STARD13: variants seen among roughly 807,000 people sequenced by gnomAD.
STARD13 encodes the protein stAR-related lipid transfer protein 13.
A neutral mutation model predicts 106.4 loss-of-function variants in STARD13; 62 were observed. The ratio of observed to expected loss-of-function variants is 0.58; its 90% confidence interval spans 0.48 to 0.72. The LOEUF (loss-of-function observed/expected upper bound fraction) is 0.72, where lower values mean the gene tolerates loss of function less well. Among genes scored for constraint, STARD13 ranks in the 30% least tolerant of loss-of-function variants. The pLI, the probability that STARD13 is intolerant of heterozygous loss-of-function variation, is 0.00. For missense variants in STARD13, 1,387 were observed against 1,424.0 expected (o/e 0.97, Z 0.42); for synonymous variants, 565 against 553.0 (o/e 1.02, Z -0.31).
the STARD13 span, among the ~76,000 whole-genome samples, chr13:33,416,302 G>A: frequency 3.9e-5 from 6 of 152,216 alleles, no homozygotes; most frequent in Non-Finnish European, 8.8e-5. Context: ...ATAATGTGCT[G>A]ATGGTAAAGC....
At chr13:33,189,086 T>C (rs1385788544) in intron 1 of STARD13, among the ~76,000 whole-genome samples, 4 of 152,146 alleles carry the variant, frequency 2.6e-5, no homozygotes, top group Non-Finnish European at 5.9e-5. Flanking sequence ...TTTAGAAATG[T>C]TTTATTTTGT....
At chr13:33,663,762 G>A in the STARD13 span, among the ~76,000 whole-genome samples, 1 of 152,162 alleles carries the variant, frequency 6.6e-6, no homozygotes, top group Non-Finnish European at 1.5e-5. Flanking sequence ...GAGCAGGAGG[G>A]AGCAAGTCAG....
At chr13:33,632,677 C>T in the STARD13 span, among the ~76,000 whole-genome samples, 3 of 152,124 alleles carry the variant, frequency 2.0e-5, no homozygotes, top group Admixed American at 6.5e-5. Context: ...ATTTTCTAGC[C>T]TTCTGATTTG....
intron 1 of STARD13, among the ~76,000 whole-genome samples, chr13:33,235,480 T>C (rs977405827): frequency 6.6e-6 from 1 of 152,178 alleles, no homozygotes; most frequent in African/African-American, 2.4e-5. Context: ...TGAAATAAAA[T>C]ATTATTTTTC....
intron 1 of STARD13, among the ~76,000 whole-genome samples, chr13:33,189,418 CCCTCCTT>C (rs1232749057): frequency 2.2e-4 from 7 of 31,152 alleles, no homozygotes; most frequent in African/African-American, 4.3e-4. Flanking sequence ...CTCCTGCTTT[CCCTCCTT>C]CCTCCTTTCG....
chr13:33,228,636 A>G (rs1594135024), intron 1 of STARD13, among the ~76,000 whole-genome samples: 1 of 152,210 alleles, frequency 6.6e-6, no homozygotes, highest in African/African-American at 2.4e-5. Context: ...TTTATCTTTA[A>G]ATTAAATACT....
chr13:33,262,646 C>A (rs553144377), intron 1 of STARD13, among the ~76,000 whole-genome samples: 35,700 of 139,770 alleles, frequency 0.26, 5,375 homozygotes, highest in African/African-American at 0.39. Context: ...GAACCCCCCC[C>A]CCCACACACA....
the STARD13 span, among the ~76,000 whole-genome samples, chr13:33,498,140 G>T: frequency 1.9e-4 from 29 of 152,262 alleles, no homozygotes; most frequent in African/African-American, 7.0e-4. Context: ...AAAGCATCTA[G>T]TTCTTTGCAA....
chr13:33,583,428 G>T, the STARD13 span, among the ~76,000 whole-genome samples: 1 of 152,080 alleles, frequency 6.6e-6, no homozygotes, highest in Non-Finnish European at 1.5e-5. Context: ...CACTTCTTCA[G>T]CCCCTGGGGA....
the STARD13 span, among the ~76,000 whole-genome samples, chr13:33,645,145 A>ATAAGTCACAT: frequency 1.3e-5 from 2 of 152,016 alleles, no homozygotes; most frequent in Non-Finnish European, 2.9e-5. Context: ...ACTTATGTTG[A>ATAAGTCACAT]CTGATAAGAT....
intron 1 of STARD13, among the ~76,000 whole-genome samples, chr13:33,338,199 T>C (rs1379327379): frequency 1.3e-5 from 2 of 152,182 alleles, no homozygotes; most frequent in African/African-American, 2.4e-5. Flanking sequence ...TTCTGCCCTT[T>C]CTCTCAACTA....
chr13:33,324,082 A>C (rs1454766344), intron 1 of STARD13, among the ~76,000 whole-genome samples: 1 of 152,242 alleles, frequency 6.6e-6, no homozygotes, highest in Non-Finnish European at 1.5e-5. Context: ...TGTATGTAGA[A>C]GGCAGTAAAA....
At chr13:33,125,034 G>A (rs1397419866) in intron 7 of STARD13, among the ~76,000 whole-genome samples, 1 of 152,162 alleles carries the variant, frequency 6.6e-6, no homozygotes, top group African/African-American at 2.4e-5. Flanking sequence ...TTCAGTCAAA[G>A]ACAACTTCAA....
the STARD13 span, among the ~76,000 whole-genome samples, chr13:33,384,218 C>T: frequency 6.6e-6 from 1 of 152,162 alleles, no homozygotes; most frequent in African/African-American, 2.4e-5. Context: ...ATCTAACAAC[C>T]AATAATAACA....
At chr13:33,490,901 C>T in the STARD13 span, among the ~76,000 whole-genome samples, 1 of 152,340 alleles carries the variant, frequency 6.6e-6, no homozygotes, top group Non-Finnish European at 1.5e-5. Flanking sequence ...TACCATGGGG[C>T]CAGAGCCCAA....
chr13:33,650,170 T>A, the STARD13 span, among the ~76,000 whole-genome samples: 2 of 39,724 alleles, frequency 5.0e-5, no homozygotes, highest in Non-Finnish European at 8.5e-5. Context: ...TCCAATTTTT[T>A]TTTTTTTTTT....
At chr13:33,560,821 A>G in the STARD13 span, among the ~76,000 whole-genome samples, 1 of 151,606 alleles carries the variant, frequency 6.6e-6, no homozygotes, top group Admixed American at 6.6e-5. Flanking sequence ...CAGGCATACA[A>G]AATCAGAGCC....
chr13:33,584,007 G>A, the STARD13 span, among the ~76,000 whole-genome samples: 2,298 of 152,158 alleles, frequency 0.015, 53 homozygotes, highest in African/African-American at 0.052. Flanking sequence ...AGATCAAATC[G>A]TAATTCTATC....
chr13:33,497,831 A>T, the STARD13 span, among the ~76,000 whole-genome samples: 1 of 152,290 alleles, frequency 6.6e-6, no homozygotes, highest in African/African-American at 2.4e-5. Flanking sequence ...GCGTCCTGGC[A>T]TATACAACCC....
Sources: allele counts gnomAD v4.1 joint callset (sites outside exome capture counted in the v4.1 genomes callset), GRCh38; gene constraint gnomAD v4.1.1; transcripts MANE v1.5; gene names NCBI Gene and HGNC (gene_info 2026-07-23, HGNC 2026-07-21).